LAMA2: variants seen among roughly 807,000 people sequenced by gnomAD.
LAMA2 encodes the protein laminin subunit alpha 2, also known as laminin subunit alpha-2.
Under a neutral mutation model 364.8 loss-of-function variants are expected in LAMA2, and 269 were observed. That is an observed-to-expected ratio of 0.74 (90% CI 0.67 to 0.82). The LOEUF is 0.82. Ranked by LOEUF, LAMA2 falls within the 40% of genes least tolerant of loss-of-function variation. The pLI, the probability that LAMA2 is intolerant of heterozygous loss-of-function variation, is 0.00. For synonymous variants in LAMA2, 1,379 were observed against 1,370.6 expected (o/e 1.01, Z -0.14); for missense variants, 3,807 against 3,873.2 (o/e 0.98, Z 0.45).
intron 1 of LAMA2, among the ~76,000 whole-genome samples, chr6:128,946,705 T>C (rs1172096909): frequency 6.6e-6 from 1 of 152,206 alleles, no homozygotes; most frequent in African/African-American, 2.4e-5. Flanking sequence ...GATTGGATGA[T>C]AATAGAAGTG....
At chr6:128,941,770 CA>C (rs1334357358) in intron 1 of LAMA2, among the ~76,000 whole-genome samples, 2 of 152,044 alleles carry the variant, frequency 1.3e-5, no homozygotes, top group Non-Finnish European at 2.9e-5. Flanking sequence ...TCACGTGATC[CA>C]AAGTAATTTC....
At chr6:128,986,528 G>T (rs1459344262) in intron 1 of LAMA2, among the ~76,000 whole-genome samples, 2 of 151,884 alleles carry the variant, frequency 1.3e-5, no homozygotes, top group East Asian at 3.8e-4. Flanking sequence ...TTTCATATTT[G>T]TATCTTTTTT....
Position 129,502,983 on chromosome 6 carries a change from A to T in LAMA2, c.8358-108A>T. On this transcript the variant is annotated intron_variant, in intron 59 of 64. Transcript: ENST00000421865. ...CCTGATAAAGTCCTCATCTCTGAGA[A>T]GGTTTTACTCTCCTTTATGAAAATG... The T allele has an allele frequency of 2.7e-6, 3 of 1,093,672 alleles. No individual in the cohort carries two copies. In the Admixed American group the frequency reaches 5.3e-5, roughly 19 times the overall value. The allele number at this position is 1,093,672 out of a possible 1,614,324, so 67.7% of individuals were successfully genotyped here.
intron 3 of LAMA2, among the ~76,000 whole-genome samples, chr6:129,093,264 C>T (rs1050141423): frequency 8.0e-5 from 12 of 150,266 alleles, no homozygotes; most frequent in African/African-American, 2.9e-4. Context: ...GCTGGGATTA[C>T]AGGCGTGAGC....
At chr6:129,118,908 A>C (rs2114914854) in intron 4 of LAMA2, among the ~76,000 whole-genome samples, 1 of 152,318 alleles carries the variant, frequency 6.6e-6, no homozygotes, top group East Asian at 1.9e-4. Flanking sequence ...AAGTCTGAAA[A>C]CTTTTTAAGG....
chr6:129,492,640 C>G (rs192364738), intron 58 of LAMA2, among the ~76,000 whole-genome samples, 157 bp downstream of exon 58: 90 of 152,326 alleles, frequency 5.9e-4, no homozygotes, highest in African/African-American at 1.8e-3. Flanking sequence ...CATTGAATGA[C>G]TTACCTATAT....
chr6:129,244,393 C>G (rs551454046), intron 12 of LAMA2, among the ~76,000 whole-genome samples: 3 of 152,074 alleles, frequency 2.0e-5, no homozygotes, highest in African/African-American at 7.2e-5. Flanking sequence ...GTTTAAGGCT[C>G]GCGGGCTTTG....
At chr6:128,956,568 T>C (rs919991595) in intron 1 of LAMA2, among the ~76,000 whole-genome samples, 3 of 151,984 alleles carry the variant, frequency 2.0e-5, no homozygotes, top group African/African-American at 7.2e-5. Context: ...ATAGGGACAA[T>C]TAATGTATAA....
intron 3 of LAMA2, among the ~76,000 whole-genome samples, chr6:129,069,090 T>C (rs983105932): frequency 1.3e-5 from 2 of 152,034 alleles, no homozygotes; most frequent in Admixed American, 6.6e-5. Context: ...AGTCATGGAA[T>C]AAATTAGATG....
Position 128,919,270 on chromosome 6 carries a change from T to A in LAMA2, c.112+35913T>A, listed in dbSNP as rs181172006. The stretch of plus-strand genomic sequence containing the variant: ...GTATGAGCCATATACAATCAACTGT[T>A]CTCTCAATATCAAGAGGTAGCAATT... On this transcript the variant is annotated intron_variant, in intron 1 of 64. Coordinates refer to ENST00000421865, the MANE Select transcript of LAMA2 (RefSeq NM_000426.4). Among the ~76,000 whole-genome samples the A allele has an allele frequency of 1.9e-3, 293 of 152,346 alleles. 2 individuals are homozygous for A. The highest frequency in any genetic ancestry group is 6.3e-3 in the African/African-American group (262 of 41,592).
intron 62 of LAMA2, among the ~76,000 whole-genome samples, chr6:129,508,759 C>T (rs1314725844): frequency 2.0e-5 from 3 of 152,100 alleles, no homozygotes; most frequent in African/African-American, 4.8e-5. Context: ...TTTCTTTATC[C>T]GTTCATCTGC....
chr6:129,384,699 A>G (rs1021636797), intron 35 of LAMA2, among the ~76,000 whole-genome samples: 1 of 152,064 alleles, frequency 6.6e-6, no homozygotes, highest in Admixed American at 6.6e-5. Flanking sequence ...ATGGAGATTT[A>G]TCCCAGGCTT....
chr6:128,912,579 A>G (rs759164343), intron 1 of LAMA2, among the ~76,000 whole-genome samples: 4 of 152,226 alleles, frequency 2.6e-5, no homozygotes, highest in African/African-American at 4.8e-5. Context: ...AAGGAAGAAA[A>G]GAAAAATCCC....
chr6:129,024,150 T>C (rs9492201), intron 1 of LAMA2, among the ~76,000 whole-genome samples: 2,620 of 152,256 alleles, frequency 0.017, 89 homozygotes, highest in African/African-American at 0.06. Flanking sequence ...AAAAGCAGCA[T>C]GACTCAGAAA....
At chr6:129,428,642 A>G (rs1161533339) in intron 41 of LAMA2, among the ~76,000 whole-genome samples, 2 of 151,960 alleles carry the variant, frequency 1.3e-5, no homozygotes, top group Admixed American at 1.3e-4. Flanking sequence ...ACAGGGTTTC[A>G]CCATGTTGAC....
intron 12 of LAMA2, among the ~76,000 whole-genome samples, chr6:129,238,856 T>A (rs1380581150): frequency 2.0e-5 from 3 of 152,184 alleles, no homozygotes; most frequent in Non-Finnish European, 4.4e-5. Context: ...TGATTACATA[T>A]GGTTCAGCAA....
intron 9 of LAMA2, among the ~76,000 whole-genome samples, chr6:129,167,375 T>A (rs1345977108): frequency 7.0e-6 from 1 of 142,826 alleles, no homozygotes; most frequent in Non-Finnish European, 1.5e-5. Context: ...TGTGATAGCA[T>A]TGTTCAATTC....
In LAMA2 at chr6:129,252,071, T is replaced by C. The variant is rs1372422671; in HGVS notation, c.1885-13T>C. The C allele has an allele frequency of 7.5e-6, 12 of 1,594,392 alleles. No individual in the cohort carries two copies. Among genetic ancestry groups the C allele is most frequent in the Non-Finnish European group, 1.0e-5 (12 of 1,163,220 alleles). ...GTTTTACTCTTTTTTATTTCTTTTT[T>C]TTCCCCCTTTAGGGTAATGACTTGA... On this transcript the variant is annotated splice_polypyrimidine_tract_variant and intron_variant, in intron 13 of 64. Transcript: ENST00000421865.
chr6:129,005,844 T>C (rs1304640317), intron 1 of LAMA2, among the ~76,000 whole-genome samples: 3 of 151,188 alleles, frequency 2.0e-5, no homozygotes, highest in Non-Finnish European at 4.4e-5. Flanking sequence ...TGGTTATATA[T>C]ATTTTTATAT....
Sources: allele counts gnomAD v4.1 joint callset (sites outside exome capture counted in the v4.1 genomes callset), GRCh38; gene constraint gnomAD v4.1.1; transcripts MANE v1.5; gene names NCBI Gene and HGNC (gene_info 2026-07-23, HGNC 2026-07-21).